LRP1B: variants seen among roughly 807,000 people sequenced by gnomAD.
LRP1B encodes LDL receptor related protein 1B, also known as low-density lipoprotein receptor-related protein 1B.
A neutral mutation model predicts 556.6 loss-of-function variants in LRP1B; 217 were observed. That is an observed-to-expected ratio of 0.39 (90% CI 0.35 to 0.44). LRP1B has a LOEUF of 0.44. Among genes scored for constraint, LRP1B ranks in the 20% least tolerant of loss-of-function variants. The pLI is 1.00. For synonymous variants in LRP1B, 2,047 were observed against 1,865.8 expected (o/e 1.10, Z -2.50); for missense variants, 5,053 against 5,620.8 (o/e 0.90, Z 3.23).
At chr2:140,890,737 T>C (rs1418449715) in intron 23 of LRP1B, among the ~76,000 whole-genome samples, 8 of 152,040 alleles carry the variant, frequency 5.3e-5, no homozygotes, top group Admixed American at 5.2e-4. Flanking sequence ...AAAATAAAGT[T>C]GTAATGAATA....
chr2:141,975,909 T>C (rs1701873419), intron 1 of LRP1B, among the ~76,000 whole-genome samples: 1 of 152,164 alleles, frequency 6.6e-6, no homozygotes, highest in Non-Finnish European at 1.5e-5. Context: ...ATGCAATCAA[T>C]ATTCCATATA....
intron 49 of LRP1B, among the ~76,000 whole-genome samples, chr2:140,523,204 T>C (rs1230609964): frequency 1.3e-5 from 2 of 152,078 alleles, no homozygotes; most frequent in African/African-American, 4.8e-5. Flanking sequence ...AATGGGCAAG[T>C]AGGCTTTATT....
intron 3 of LRP1B, among the ~76,000 whole-genome samples, chr2:141,438,541 G>C (rs1480903410): frequency 6.6e-6 from 1 of 152,052 alleles, no homozygotes; most frequent in Non-Finnish European, 1.5e-5. Flanking sequence ...ACTGTTCCTA[G>C]AAAGCAGCTA....
intron 3 of LRP1B, among the ~76,000 whole-genome samples, chr2:141,354,942 T>C (rs981338205): frequency 3.3e-5 from 5 of 152,108 alleles, no homozygotes; most frequent in African/African-American, 4.8e-5. Context: ...TTATCACTAG[T>C]AGCAAAATAG....
chr2:141,385,465 G>A (rs1426107524), intron 3 of LRP1B, among the ~76,000 whole-genome samples: 5 of 152,146 alleles, frequency 3.3e-5, no homozygotes, highest in East Asian at 3.9e-4. Context: ...AATGAAACTC[G>A]TGTTGCTTAT....
intron 7 of LRP1B, among the ~76,000 whole-genome samples, chr2:141,074,531 G>GTC (rs1386626062): frequency 1.3e-5 from 2 of 149,992 alleles, no homozygotes; most frequent in Non-Finnish European, 3.0e-5. Context: ...TTAGCCATAT[G>GTC]TCTGCACATA....
At chr2:140,545,740 G>C (rs1680308687) in intron 43 of LRP1B, among the ~76,000 whole-genome samples, 1 of 151,806 alleles carries the variant, frequency 6.6e-6, no homozygotes, top group Non-Finnish European at 1.5e-5. Flanking sequence ...TGACTATTTG[G>C]GCATTTTTTT....
chr2:141,811,955 G>C (rs182293747), intron 1 of LRP1B, among the ~76,000 whole-genome samples: 28 of 152,238 alleles, frequency 1.8e-4, no homozygotes, highest in Non-Finnish European at 3.8e-4. Flanking sequence ...TCTAAAGATG[G>C]GTGGGCTTTG....
At chr2:140,373,625 A>G (rs1333747903) in intron 68 of LRP1B, among the ~76,000 whole-genome samples, 1 of 152,116 alleles carries the variant, frequency 6.6e-6, no homozygotes, top group Non-Finnish European at 1.5e-5. Flanking sequence ...TAAAAGAGTT[A>G]AAGAATTATT....
intron 31 of LRP1B, among the ~76,000 whole-genome samples, chr2:140,821,327 T>C (rs12474407): frequency 6.6e-6 from 1 of 152,298 alleles, no homozygotes; most frequent in Admixed American, 6.5e-5. Context: ...ATTTAAATTA[T>C]TTGTGTGTGT....
At chr2:141,281,014 T>G (rs1278233443) in intron 3 of LRP1B, among the ~76,000 whole-genome samples, 3 of 152,024 alleles carry the variant, frequency 2.0e-5, no homozygotes, top group Non-Finnish European at 4.4e-5. Flanking sequence ...TATTCAATAT[T>G]CATACTCAAA....
chr2:141,038,203 T>G (rs1270983747), intron 11 of LRP1B, among the ~76,000 whole-genome samples: 2 of 151,744 alleles, frequency 1.3e-5, no homozygotes, highest in Non-Finnish European at 2.9e-5. Context: ...AAACAGAGAA[T>G]GCAACAAATA....
chr2:140,982,395 A>C, intron 17 of LRP1B, 119 bp from the exon 18 acceptor site: 1 of 613,662 alleles, frequency 1.6e-6, no homozygotes, highest in Admixed American at 3.0e-5. Context: ...TATTAAAATA[A>C]AATATTTTAA....
At chr2:141,702,163 G>T (rs938098205) in intron 2 of LRP1B, among the ~76,000 whole-genome samples, 13 of 151,820 alleles carry the variant, frequency 8.6e-5, no homozygotes, top group African/African-American at 3.1e-4. Flanking sequence ...GGTGAAAATG[G>T]CATGGAGGTA....
chr2:142,023,792 A>G (rs16847936), intron 1 of LRP1B, among the ~76,000 whole-genome samples: 5,492 of 152,244 alleles, frequency 0.036, 228 homozygotes, highest in East Asian at 0.17. Context: ...CATCTTATAT[A>G]AGTATAGGTA....
intron 2 of LRP1B, among the ~76,000 whole-genome samples, chr2:141,625,221 T>C (rs1377451555): frequency 6.6e-6 from 1 of 152,228 alleles, no homozygotes; most frequent in African/African-American, 2.4e-5. Flanking sequence ...TGATGAAGTC[T>C]TCAATAAGAC....
intron 2 of LRP1B, 114 bp downstream of exon 2, chr2:141,810,165 G>GAA: frequency 8.2e-6 from 3 of 365,314 alleles, no homozygotes; most frequent in South Asian, 7.0e-5. Context: ...AAGAAAGAAA[G>GAA]AAGGAAAGAA....
intron 35 of LRP1B, among the ~76,000 whole-genome samples, chr2:140,728,178 G>T (rs1687658564): frequency 6.6e-6 from 1 of 151,946 alleles, no homozygotes; most frequent in Non-Finnish European, 1.5e-5. Flanking sequence ...TCCATTTTCT[G>T]GTTTTGAACT....
At chr2:141,792,949 T>A (rs1311939863) in intron 2 of LRP1B, among the ~76,000 whole-genome samples, 1 of 151,976 alleles carries the variant, frequency 6.6e-6, no homozygotes, top group Non-Finnish European at 1.5e-5. Flanking sequence ...TTGATAATAA[T>A]AAAAATTTTT....
Sources: gnomAD v4.1 joint callset for allele counts (sites outside exome capture counted in the v4.1 genomes callset) on GRCh38, gnomAD v4.1.1 for gene constraint, MANE v1.5 for transcripts, NCBI Gene and HGNC (gene_info 2026-07-23, HGNC 2026-07-21) for gene names.